Variants in SLC29A1 observed in about 807,000 individuals in gnomAD.
The protein encoded by SLC29A1 is equilibrative nucleoside transporter 1.
SLC29A1 carries 22 observed loss-of-function variants against 48.3 expected under a neutral mutation model. The observed-to-expected ratio is 0.46, with a 90% CI of 0.33 to 0.65. The LOEUF is 0.65. SLC29A1 is among the 30% of genes least tolerant of loss of function. The pLI is 0.03. For synonymous variants in SLC29A1, 228 were observed against 231.0 expected (o/e 0.99, Z 0.12); for missense variants, 491 against 575.3 (o/e 0.85, Z 1.50).
At chr6:44,225,621 CT>C (rs1180230518) in intron 1 of SLC29A1, 2 of 152,188 alleles carry the variant, frequency 1.3e-5, no homozygotes, top group Non-Finnish European at 2.9e-5. Flanking sequence ...TTATTCACCC[CT>C]CGTGCCTAGG....
chr6:44,229,514 T>C lies in SLC29A1; in HGVS notation c.111+43T>C. 6.2e-7 allele frequency: 1 copy of C among 1,609,316 alleles called. No individual in the cohort carries two copies. The highest frequency in any genetic ancestry group is 8.5e-7 in the Non-Finnish European group (1 of 1,175,650). On this transcript the variant is annotated intron_variant, in intron 3 of 12. Coordinates refer to ENST00000371755, the MANE Select transcript of SLC29A1 (RefSeq NM_001372327.1). The surrounding 1 kb of genome is among the most constrained non-coding windows in gnomAD (Gnocchi z 5.1). ...GGGCTCCATGGGGCAGTGCCCACTG[T>C]GCTTGCAGGATCTGACTCTGTGCTG...
chr6:44,230,700 A>ATGGGG, intron 7 of SLC29A1, 35 bp downstream of exon 7: 1 of 341,108 alleles, frequency 2.9e-6, no homozygotes, highest in Non-Finnish European at 5.4e-6. Context: ...TTTGGGGTAT[A>ATGGGG]GGGGTCTGGG....
At position 44,229,950 on chromosome 6, in the gene SLC29A1, C is replaced by T; in HGVS notation, c.358C>T (p.Leu120=). ...GATCCTGGGCAGCCTGGTGGCCATC[C>T]TGCTGGTGTTTCTGATCACTGCCAT... ...VRILGSLVAI[L]LVFLITAILV... Residue 120 remains leucine, a synonymous_variant, in exon 5 of 13, where the codon CTG becomes TTG. Coordinates refer to ENST00000371755, the MANE Select transcript of SLC29A1 (RefSeq NM_001372327.1). This position sits in a 1 kb window ranked among gnomAD's most constrained non-coding sequence, Gnocchi z 5.1. The T allele has an allele frequency of 6.2e-7, 1 of 1,613,524 alleles. No individual in the cohort carries two copies. Among genetic ancestry groups the T allele is most frequent in the Non-Finnish European group, 8.5e-7 (1 of 1,180,028 alleles).
chr6:44,221,312 C>G (rs1776392126), upstream of SLC29A1, among the ~76,000 whole-genome samples: 1 of 152,246 alleles, frequency 6.6e-6, no homozygotes, highest in South Asian at 2.1e-4. The surrounding 1 kb of genome is among the most constrained non-coding windows in gnomAD (Gnocchi z 4.2). Flanking sequence ...ACAAACACAA[C>G]TGAGAACACA....
upstream of SLC29A1, chr6:44,223,571 G>T (rs904224005): frequency 6.6e-6 from 8 of 1,209,880 alleles, no homozygotes; most frequent in African/African-American, 9.8e-5. This position sits in a 1 kb window ranked among gnomAD's most constrained non-coding sequence, Gnocchi z 5.0. Context: ...GTTTGAATGT[G>T]CCCCGGCGGG....
Position 44,229,092 on chromosome 6 carries a change from A to G in SLC29A1, c.30-298A>G, listed in dbSNP as rs1339511494. Among the ~76,000 whole-genome samples, 1 of 152,176 alleles carries G rather than the reference A, an allele frequency of 6.6e-6. No homozygotes were observed. The highest frequency in any genetic ancestry group is 1.5e-5 in the Non-Finnish European group (1 of 68,032). On this transcript the variant is annotated intron_variant, in intron 2 of 12. Transcript: ENST00000371755. This position sits in a 1 kb window ranked among gnomAD's most constrained non-coding sequence, Gnocchi z 5.1. ...AAAACCATCTCCGGATGTGTGGGTCACACTGGTTCCCAGCCTGCAGAGTCC... is the reference window on the plus strand; with the variant it reads ...AAAACCATCTCCGGATGTGTGGGTCGCACTGGTTCCCAGCCTGCAGAGTCC...
Position 44,223,787 on chromosome 6 carries a change from T to A in SLC29A1, c.-52+146T>A. ...CCGGGTGGGGCCCCAGTGCGGAGCG[T>A]GCGGAGCCGCGCAGCACGTGGCGCG... is the stretch of plus-strand genomic sequence containing the variant. On this transcript the variant is annotated intron_variant, in intron 1 of 12. Transcript: ENST00000371755. This position sits in a 1 kb window ranked among gnomAD's most constrained non-coding sequence, Gnocchi z 5.0. 9.7e-7 allele frequency: 1 copy of A among 1,029,084 alleles called. No homozygotes were observed. The highest frequency in any genetic ancestry group is 1.2e-6 in the Non-Finnish European group (1 of 854,972). The allele number at this position is 1,029,084 out of a possible 1,614,324, so 63.7% of individuals were successfully genotyped here.
intron 5 of SLC29A1, 21 bp from the exon 6 acceptor site, chr6:44,230,326 A>G: frequency 1.2e-6 from 2 of 1,603,014 alleles, no homozygotes; most frequent in Admixed American, 1.7e-5. Flanking sequence ...TCCCCTGCTC[A>G]TGCCCGCCCT....
At chr6:44,227,009 T>G (rs1334141551) in intron 1 of SLC29A1, 2 of 1,247,720 alleles carry the variant, frequency 1.6e-6, no homozygotes, top group East Asian at 3.6e-5. Flanking sequence ...TGGATAAAAA[T>G]AGCGGTGGCA....
rs745795732 is a variant in SLC29A1, at chr6:44,230,373, C to G, written c.481C>G (p.Leu161Val). 9.3e-6 allele frequency: 15 copies of G among 1,613,652 alleles called. No individual in the cohort carries two copies. Among genetic ancestry groups the G allele is most frequent in the Admixed American group, 1.7e-5 (1 of 60,004 alleles). ...ATTTGGTGCCATCCTGCAGGGCAGC[C>G]TGTTTGGTCTGGCTGGCCTTCTGCC... Reference protein sequence around the residue: ...NSFGAILQGSLFGLAGLLPAS... With the variant: ...NSFGAILQGSVFGLAGLLPAS... Residue 161 changes from leucine (L) to valine (V), a missense_variant, in exon 6 of 13, where the codon CTG becomes GTG. Transcript: ENST00000371755.
chr6:44,223,583 G>T (rs543920708), upstream of SLC29A1: 35 of 1,213,168 alleles, frequency 2.9e-5, 1 homozygote, highest in Middle Eastern at 3.3e-4. This position sits in a 1 kb window ranked among gnomAD's most constrained non-coding sequence, Gnocchi z 5.0. Flanking sequence ...CCCGGCGGGA[G>T]AGGGAAGCTG....
At position 44,233,730 on chromosome 6, in the gene SLC29A1, CAG is replaced by C; in HGVS notation, c.*205_*206del. ...GTGGGGACATTGTGGGTTTGGGGCT[CAG>C]AGTCGAGGGACGGGGTGTAGCCTCG... On this transcript the variant is annotated 3_prime_UTR_variant, in exon 13 of 13. Transcript: ENST00000371755. The C allele has an allele frequency of 1.7e-6, 1 of 589,828 alleles. No homozygotes were observed. Among genetic ancestry groups the C allele is most frequent in the Non-Finnish European group, 3.0e-6 (1 of 329,684 alleles). 36.5% of individuals were successfully genotyped at this position (589,828 alleles called of 1,614,324 possible).
upstream of SLC29A1, among the ~76,000 whole-genome samples, chr6:44,220,168 T>A (rs879495772): frequency 2.6e-4 from 40 of 152,010 alleles, no homozygotes; most frequent in Non-Finnish European, 5.3e-4. Context: ...TGATGTTTTA[T>A]TCATCATGGA....
intron 1 of SLC29A1, chr6:44,226,977 G>C: frequency 8.6e-7 from 1 of 1,164,102 alleles, no homozygotes; most frequent in East Asian, 5.0e-5. Context: ...CTGTTTCCCA[G>C]CTTATAAACT....
Position 44,233,878 on chromosome 6 carries a change from G to C in SLC29A1, c.*350G>C. ...TGTATGTGTCTGTGTGTCTGCGTCC[G>C]TGTCTGTCAGACTGTCTGCCTGTCC... On this transcript the variant is annotated 3_prime_UTR_variant, in exon 13 of 13. Transcript: ENST00000371755. The C allele has an allele frequency of 3.9e-6, 1 of 257,114 alleles. No homozygotes were observed. Among genetic ancestry groups the C allele is most frequent in the South Asian group, 5.7e-5 (1 of 17,688 alleles). 15.9% of individuals were successfully genotyped at this position (257,114 alleles called of 1,614,324 possible).
chr6:44,232,876 C>T lies in SLC29A1; in HGVS notation c.1129C>T (p.Leu377=), dbSNP rs1779213342. 6.2e-7 allele frequency: 1 copy of T among 1,613,932 alleles called. No homozygotes were observed. The highest frequency in any genetic ancestry group is 1.3e-5 in the African/African-American group (1 of 74,938). ...GCTGGTGTTTGTGCCACTGCTGCTGCTGTGCAACATTAAGCCCCGCCGCTA... is the reference window on the plus strand; with the variant it reads ...GCTGGTGTTTGTGCCACTGCTGCTGTTGTGCAACATTAAGCCCCGCCGCTA... ...ARLVFVPLLL[L]CNIKPRRYLT... is the part of the protein sequence containing the mutation. Residue 377 remains leucine, a synonymous_variant, in exon 12 of 13, where the codon CTG becomes TTG. Coordinates refer to ENST00000371755, the MANE Select transcript of SLC29A1 (RefSeq NM_001372327.1). The surrounding 1 kb of genome is among the most constrained non-coding windows in gnomAD (Gnocchi z 4.7).
chr6:44,223,595 A>G lies in SLC29A1; in HGVS notation c.-98A>G. 8.2e-7 allele frequency: 1 copy of G among 1,215,094 alleles called. No individual in the cohort carries two copies. Among genetic ancestry groups the G allele is most frequent in the Non-Finnish European group, 1.0e-6 (1 of 952,468 alleles). 75.3% of individuals were successfully genotyped at this position (1,215,094 alleles called of 1,614,324 possible). A position where few individuals can be genotyped will look rare whatever the true frequency, so the allele number is the denominator to read the frequency against. On this transcript the variant is annotated 5_prime_UTR_variant, in exon 1 of 13. Coordinates refer to ENST00000371755, the MANE Select transcript of SLC29A1 (RefSeq NM_001372327.1). This position sits in a 1 kb window ranked among gnomAD's most constrained non-coding sequence, Gnocchi z 5.0. ...TGCCCCGGCGGGAGAGGGAAGCTGC[A>G]GCGAGAGCGCGCGGATCTCAGCGCG...
At chr6:44,233,208 A>G (rs1779285174) in intron 12 of SLC29A1, among the ~76,000 whole-genome samples, 2 of 152,138 alleles carry the variant, frequency 1.3e-5, no homozygotes, top group Non-Finnish European at 2.9e-5. Context: ...AGGTGGAGAC[A>G]GGTTTGCAGG....
chr6:44,220,668 T>A (rs112447574), upstream of SLC29A1, among the ~76,000 whole-genome samples: 48,799 of 137,038 alleles, frequency 0.36, 8,156 homozygotes, highest in South Asian at 0.47. Flanking sequence ...AAAAAAAAAA[T>A]ACAAAAATTA....
Sources: allele counts gnomAD v4.1 joint callset (sites outside exome capture counted in the v4.1 genomes callset), GRCh38; gene constraint gnomAD v4.1.1; non-coding constraint Gnocchi (gnomAD v3.1); transcripts MANE v1.5; gene names NCBI Gene and HGNC (gene_info 2026-07-23, HGNC 2026-07-21).